Variants in PAX5 observed in about 807,000 individuals in gnomAD.
PAX5 encodes the protein paired box 5.
PAX5 carries 9 observed loss-of-function variants against 43.7 expected under a neutral mutation model. The ratio of observed to expected loss-of-function variants is 0.21; its 90% CI spans 0.12 to 0.36. PAX5 has a LOEUF of 0.36. Among genes scored for constraint, PAX5 ranks in the 10% least tolerant of loss-of-function variants. PAX5 has a pLI of 1.00. For missense variants in PAX5, 383 were observed against 532.7 expected, an observed-to-expected ratio of 0.72 and a Z score of 2.77; for synonymous variants, 228 against 214.3, an observed-to-expected ratio of 1.06 and a Z score of -0.56.
chr9:36,921,717 C>G (rs1169170350), intron 7 of PAX5, among the ~76,000 whole-genome samples: 1 of 152,198 alleles, frequency 6.6e-6, no homozygotes, highest in Non-Finnish European at 1.5e-5. Context: ...TGCACTCTGC[C>G]ATGCCCACCT....
At chr9:36,855,098 G>A (rs1281183339) in intron 8 of PAX5, among the ~76,000 whole-genome samples, 3 of 152,236 alleles carry the variant, frequency 2.0e-5, no homozygotes, top group African/African-American at 7.2e-5. Flanking sequence ...GGATCCTCTA[G>A]GGAATTCAGT....
At chr9:36,930,511 G>C (rs1831041066) in intron 6 of PAX5, among the ~76,000 whole-genome samples, 1 of 152,184 alleles carries the variant, frequency 6.6e-6, no homozygotes, top group Non-Finnish European at 1.5e-5. Flanking sequence ...ACAGGCGTGA[G>C]CCACTGCGCC....
chr9:36,901,829 C>A (rs1484688198), intron 7 of PAX5, among the ~76,000 whole-genome samples: 1 of 152,290 alleles, frequency 6.6e-6, no homozygotes, highest in East Asian at 1.9e-4. Flanking sequence ...TCTTTCCCTG[C>A]TGCCCTCCCA....
intron 6 of PAX5, among the ~76,000 whole-genome samples, chr9:36,959,923 CG>C (rs1262167356): frequency 6.6e-6 from 1 of 152,216 alleles, no homozygotes; most frequent in African/African-American, 2.4e-5. Context: ...GCCTGCACAA[CG>C]GGGATGATGG....
chr9:36,922,423 G>C (rs1830245507), intron 7 of PAX5, among the ~76,000 whole-genome samples: 1 of 152,182 alleles, frequency 6.6e-6, no homozygotes, highest in South Asian at 2.1e-4. Context: ...CGGGCCTCCT[G>C]CCTGCCCGGT....
At chr9:37,028,238 C>T (rs1840631569) in intron 1 of PAX5, among the ~76,000 whole-genome samples, 1 of 152,232 alleles carries the variant, frequency 6.6e-6, no homozygotes, top group Non-Finnish European at 1.5e-5. Context: ...CAGTTCTGAC[C>T]TCACTTTCCT....
chr9:36,859,748 T>A (rs2131640330), intron 8 of PAX5, among the ~76,000 whole-genome samples: 1 of 152,258 alleles, frequency 6.6e-6, no homozygotes, highest in South Asian at 2.1e-4. Context: ...TTAAGAATCA[T>A]CTGGGGCTGG....
At chr9:36,856,855 T>C (rs1477887222) in intron 8 of PAX5, among the ~76,000 whole-genome samples, 1 of 152,230 alleles carries the variant, frequency 6.6e-6, no homozygotes, top group Non-Finnish European at 1.5e-5. Context: ...AGGAAGGCTC[T>C]AGGTTTTGTC....
intron 5 of PAX5, 127 bp from the exon 6 acceptor site, chr9:36,966,851 G>T: frequency 1.3e-6 from 1 of 799,366 alleles, no homozygotes; most frequent in Non-Finnish European, 2.0e-6. Flanking sequence ...GAATACACCA[G>T]CAGGGGCTCA....
At chr9:36,912,545 C>T (rs1829386053) in intron 7 of PAX5, among the ~76,000 whole-genome samples, 1 of 152,172 alleles carries the variant, frequency 6.6e-6, no homozygotes, top group African/African-American at 2.4e-5. Flanking sequence ...CATATAATGG[C>T]AGTAGGCTGT....
chr9:37,006,899 T>G (rs1231450413), intron 3 of PAX5, among the ~76,000 whole-genome samples: 1 of 152,190 alleles, frequency 6.6e-6, no homozygotes, highest in African/African-American at 2.4e-5. Flanking sequence ...ATTGAGTGAC[T>G]TTAGGGAGTC....
intron 6 of PAX5, among the ~76,000 whole-genome samples, chr9:36,937,063 G>A (rs1308425675): frequency 6.6e-6 from 1 of 152,156 alleles, no homozygotes; most frequent in Non-Finnish European, 1.5e-5. Context: ...CAAAGGCAAG[G>A]CCTCTCATGG....
intron 7 of PAX5, among the ~76,000 whole-genome samples, chr9:36,917,322 G>C: frequency 6.6e-6 from 1 of 152,098 alleles, no homozygotes; most frequent in Non-Finnish European, 1.5e-5. Flanking sequence ...TTCTTGCCAG[G>C]CTTGTAAGAT....
intron 6 of PAX5, among the ~76,000 whole-genome samples, chr9:36,940,253 G>T (rs1305275998): frequency 1.3e-5 from 2 of 152,166 alleles, no homozygotes; most frequent in Non-Finnish European, 2.9e-5. Context: ...ATCAATAACA[G>T]ATGAGGTTTA....
At chr9:36,854,620 C>G (rs1823477151) in intron 8 of PAX5, among the ~76,000 whole-genome samples, 1 of 152,294 alleles carries the variant, frequency 6.6e-6, no homozygotes, top group South Asian at 2.1e-4. Context: ...CCACGCCAAG[C>G]CTCTCCCCCT....
chr9:36,853,680 A>T (rs12338627), intron 8 of PAX5, among the ~76,000 whole-genome samples: 4,346 of 152,336 alleles, frequency 0.029, 212 homozygotes, highest in African/African-American at 0.098. Flanking sequence ...AGAAGACGTG[A>T]CTGTAAAAAC....
At position 36,834,114 on chromosome 9, in the gene PAX5, A is replaced by G. The variant is rs1489726146; in HGVS notation, c.*6446T>C. ...GTGAAAAACCAGGGCAGCGTCTTCC[A>G]GCAGGAGTCAGGGCAAACCCAGAGC... is the stretch of plus-strand genomic sequence containing the variant. On this transcript the variant is annotated 3_prime_UTR_variant, in exon 10 of 10. Coordinates refer to ENST00000358127, the MANE Select transcript of PAX5 (RefSeq NM_016734.3). 2 of 233,210 alleles carry G rather than the reference A, an allele frequency of 8.6e-6. No individual in the cohort carries two copies. Among genetic ancestry groups the G allele is most frequent in the Non-Finnish European group, 1.7e-5 (2 of 118,050 alleles). The allele number at this position is 233,210 out of a possible 1,614,324, so 14.4% of individuals were successfully genotyped here.
At chr9:36,847,941 C>T (rs1057021120) in intron 8 of PAX5, among the ~76,000 whole-genome samples, 1 of 152,186 alleles carries the variant, frequency 6.6e-6, no homozygotes, top group Non-Finnish European at 1.5e-5. Flanking sequence ...TAGGCTTCAG[C>T]CTGGACTCAT....
intron 6 of PAX5, among the ~76,000 whole-genome samples, chr9:36,943,568 A>ACACC (rs1832245822): frequency 6.6e-6 from 1 of 151,176 alleles, no homozygotes; most frequent in Admixed American, 6.6e-5. Flanking sequence ...ACACACACAC[A>ACACC]GCTACATATT....
Sources: gnomAD v4.1 joint callset for allele counts (sites outside exome capture counted in the v4.1 genomes callset) on GRCh38, gnomAD v4.1.1 for gene constraint, MANE v1.5 for transcripts, NCBI Gene and HGNC (gene_info 2026-07-23, HGNC 2026-07-21) for gene names.